The following PSMB7 variants were observed in gnomAD, a reference collection of about 807,000 sequenced individuals.
The protein encoded by PSMB7 is proteasome 20S subunit beta 7, also known as proteasome subunit beta type-7.
PSMB7 carries 5 observed loss-of-function variants against 28.1 expected under a neutral mutation model. The observed-to-expected ratio is 0.18, with a 90% CI of 0.09 to 0.37. The LOEUF is 0.37. PSMB7 is among the 10% of genes least tolerant of loss of function. The probability of loss-of-function intolerance (pLI) is 1.00; values close to 1 mark genes in which losing one functional copy is unlikely to be tolerated. For missense variants in PSMB7, 275 were observed against 346.2 expected, an observed-to-expected ratio of 0.79 and a Z score of 1.63; for synonymous variants, 122 against 123.7, an observed-to-expected ratio of 0.99 and a Z score of 0.09.
chr9:124,372,857 A>C (rs1412556371), intron 6 of PSMB7, among the ~76,000 whole-genome samples: 2 of 152,262 alleles, frequency 1.3e-5, no homozygotes. Context: ...TCAAGAAAGA[A>C]AGAAGCAATT....
intron 6 of PSMB7, among the ~76,000 whole-genome samples, chr9:124,362,861 A>T (rs1588567837): frequency 6.6e-6 from 1 of 152,226 alleles, no homozygotes; most frequent in Non-Finnish European, 1.5e-5. Flanking sequence ...CAAATAATTA[A>T]TTTTTTAAAA....
chr9:124,412,096 T>C (rs1343432166), intron 4 of PSMB7, among the ~76,000 whole-genome samples: 10 of 152,088 alleles, frequency 6.6e-5, no homozygotes, highest in Non-Finnish European at 1.5e-4. Flanking sequence ...GTTTCTCTTA[T>C]CCAGTAATAT....
At chr9:124,363,598 G>A (rs374320706) in intron 6 of PSMB7, among the ~76,000 whole-genome samples, 1 of 152,304 alleles carries the variant, frequency 6.6e-6, no homozygotes, top group East Asian at 1.9e-4. Context: ...TAGGAATTCA[G>A]CAGAGCCGAG....
chr9:124,396,749 C>T (rs781759011), intron 5 of PSMB7: 4 of 466,066 alleles, frequency 8.6e-6, no homozygotes, highest in African/African-American at 2.0e-5. Flanking sequence ...ATTTTATATA[C>T]CTTGCCAATG....
intron 6 of PSMB7, among the ~76,000 whole-genome samples, chr9:124,363,614 G>C (rs1236109631): frequency 6.6e-6 from 1 of 152,208 alleles, no homozygotes; most frequent in South Asian, 2.1e-4. Flanking sequence ...CCGAGCTGCA[G>C]CTGGTGCTGG....
intron 5 of PSMB7, among the ~76,000 whole-genome samples, chr9:124,394,045 C>G (rs1830818416): frequency 6.6e-6 from 1 of 152,196 alleles, no homozygotes. Context: ...TTAAAGGTCC[C>G]CTTTACTCAG....
chr9:124,406,902 G>A (rs58024848), intron 4 of PSMB7, among the ~76,000 whole-genome samples: 5,340 of 151,944 alleles, frequency 0.035, 142 homozygotes, highest in African/African-American at 0.058. Context: ...CATGAGAATC[G>A]CTTGAACCTG....
At chr9:124,388,124 A>G (rs1434600477) in intron 5 of PSMB7, among the ~76,000 whole-genome samples, 1 of 152,218 alleles carries the variant, frequency 6.6e-6, no homozygotes. Context: ...CAACTACCTA[A>G]GCTGGCACTC....
chr9:124,356,729 G>A lies in PSMB7; in HGVS notation c.722+35C>T, dbSNP rs747624763. ...GATACCAAGGGTGGCCACGACGCCA[G>A]GGGACCCAGGAAGAACTTCGTCTCC... On this transcript the variant is annotated intron_variant, in intron 7 of 7. Transcript: ENST00000259457. This position sits in a 1 kb window ranked among gnomAD's most constrained non-coding sequence, Gnocchi z 4.4. The A allele has an allele frequency of 1.9e-6, 3 of 1,595,744 alleles. No individual in the cohort carries two copies. The highest frequency in any genetic ancestry group is 1.7e-5 in the Admixed American group (1 of 58,642).
At chr9:124,415,016 A>C in intron 1 of PSMB7, 81 bp from the exon 2 acceptor site, 2 of 927,970 alleles carry the variant, frequency 2.2e-6, no homozygotes, top group Non-Finnish European at 1.6e-6. Flanking sequence ...CTAACAGAGA[A>C]CTCAGGAAAG....
In PSMB7 at chr9:124,356,372, C is replaced by T. The variant is rs1257378571; in HGVS notation, c.722+392G>A. 2.0e-5 allele frequency among the ~76,000 whole-genome samples: 3 copies of T among 152,170 alleles called. No homozygotes were observed. Among genetic ancestry groups the T allele is most frequent in the Non-Finnish European group, 4.4e-5 (3 of 68,020 alleles). On this transcript the variant is annotated intron_variant, in intron 7 of 7. Transcript: ENST00000259457. The surrounding 1 kb of genome is among the most constrained non-coding windows in gnomAD (Gnocchi z 4.4). ...GGAGGCTGTTAGCATTGCTGACTTA[C>T]ACCCAGTTAGGAATCTCGGGGCACT...
At chr9:124,412,228 G>C in intron 4 of PSMB7, 124 bp downstream of exon 4, 1 of 1,049,752 alleles carries the variant, frequency 9.5e-7, no homozygotes. Context: ...TATAACAACT[G>C]ATTTCCGGAA....
intron 6 of PSMB7, chr9:124,384,300 T>A (rs1208684556): frequency 2.9e-6 from 1 of 344,174 alleles, no homozygotes; most frequent in African/African-American, 2.1e-5. Context: ...GAAAGCTTGG[T>A]GCGCAAGAAA....
intron 6 of PSMB7, among the ~76,000 whole-genome samples, chr9:124,380,721 A>G (rs144452145): frequency 6.6e-6 from 1 of 152,170 alleles, no homozygotes; most frequent in Non-Finnish European, 1.5e-5. Flanking sequence ...CTCTATCTTC[A>G]TTTGAGTGCC....
At chr9:124,394,954 G>A (rs1395755556) in intron 5 of PSMB7, among the ~76,000 whole-genome samples, 2 of 152,098 alleles carry the variant, frequency 1.3e-5, no homozygotes, top group African/African-American at 4.8e-5. Context: ...CTTCTAAAAT[G>A]CATCTTATAT....
chr9:124,368,372 T>C (rs2131148926), intron 6 of PSMB7, among the ~76,000 whole-genome samples: 1 of 152,356 alleles, frequency 6.6e-6, no homozygotes, highest in Admixed American at 6.5e-5. Context: ...GTTGCAAATA[T>C]ATTGCTTAAA....
At chr9:124,380,662 G>A (rs778066802) in intron 6 of PSMB7, among the ~76,000 whole-genome samples, 7 of 152,208 alleles carry the variant, frequency 4.6e-5, no homozygotes, top group Non-Finnish European at 1.0e-4. Flanking sequence ...CTGGAAACAT[G>A]GAGAATGGAA....
At chr9:124,392,340 G>A (rs577558217) in intron 5 of PSMB7, among the ~76,000 whole-genome samples, 5 of 152,304 alleles carry the variant, frequency 3.3e-5, no homozygotes, top group African/African-American at 4.8e-5. Context: ...GAGGTGGCCC[G>A]GCTCTGGCGC....
intron 5 of PSMB7, among the ~76,000 whole-genome samples, chr9:124,396,142 C>T (rs1426488327): frequency 6.6e-6 from 1 of 152,178 alleles, no homozygotes; most frequent in Non-Finnish European, 1.5e-5. Context: ...CCCAATTTAA[C>T]AGTTGAAAAT....
Sources: gnomAD v4.1 joint callset for allele counts (sites outside exome capture counted in the v4.1 genomes callset) on GRCh38, gnomAD v4.1.1 for gene constraint, Gnocchi (gnomAD v3.1) non-coding constraint, MANE v1.5 for transcripts, NCBI Gene and HGNC (gene_info 2026-07-23, HGNC 2026-07-21) for gene names.